CSMD1: variants seen among roughly 807,000 people sequenced by gnomAD.
CSMD1 encodes CUB and Sushi multiple domains 1.
Under a neutral mutation model 417.5 loss-of-function variants are expected in CSMD1, and 213 were observed. The ratio of observed to expected loss-of-function variants is 0.51; its 90% confidence interval spans 0.46 to 0.57. The LOEUF is 0.57. CSMD1 is among the 20% of genes least tolerant of loss of function. CSMD1 has a pLI of 0.00. For missense variants in CSMD1, 6,923 were observed against 4,529.7 expected (o/e 1.53, Z -15.17); for synonymous variants, 2,862 against 1,736.8 (o/e 1.65, Z -16.11).
chr8:3,914,599 T>C (rs1376848169), intron 5 of CSMD1, among the ~76,000 whole-genome samples: 2 of 152,162 alleles, frequency 1.3e-5, no homozygotes, highest in African/African-American at 4.8e-5. Context: ...ATTAAGAAAA[T>C]AGTACCAGCT....
At chr8:3,768,824 C>T (rs1293428070) in intron 5 of CSMD1, among the ~76,000 whole-genome samples, 1 of 152,198 alleles carries the variant, frequency 6.6e-6, no homozygotes, top group Non-Finnish European at 1.5e-5. Flanking sequence ...TCCATTACTT[C>T]CTTGGTGGAT....
intron 5 of CSMD1, among the ~76,000 whole-genome samples, chr8:3,854,990 G>C (rs761120694): frequency 1.3e-5 from 2 of 152,050 alleles, no homozygotes; most frequent in African/African-American, 2.4e-5. Context: ...TCCAGGCCCA[G>C]TAATCCATAC....
intron 3 of CSMD1, among the ~76,000 whole-genome samples, chr8:4,316,276 G>C (rs1252752634): frequency 1.3e-5 from 2 of 152,090 alleles, no homozygotes; most frequent in African/African-American, 2.4e-5. Context: ...TGAATTTGTT[G>C]TGATCTGTAA....
At chr8:4,545,680 T>A (rs1387578842) in intron 2 of CSMD1, among the ~76,000 whole-genome samples, 1 of 152,160 alleles carries the variant, frequency 6.6e-6, no homozygotes, top group Non-Finnish European at 1.5e-5. Context: ...CAGTGAGACA[T>A]GCTCACTATT....
intron 3 of CSMD1, among the ~76,000 whole-genome samples, chr8:4,318,091 GT>G (rs1400359857): frequency 3.9e-5 from 6 of 152,216 alleles, no homozygotes; most frequent in African/African-American, 1.4e-4. Context: ...AGTTTAGCCT[GT>G]CTGTAAAGCT....
chr8:3,204,192 G>A (rs1421395411), intron 31 of CSMD1, among the ~76,000 whole-genome samples: 2 of 152,004 alleles, frequency 1.3e-5, no homozygotes, highest in Non-Finnish European at 2.9e-5. Context: ...TTTCAAATTG[G>A]GAAATTATAA....
intron 2 of CSMD1, among the ~76,000 whole-genome samples, chr8:4,479,462 T>C (rs180941820): frequency 2.0e-5 from 3 of 152,212 alleles, no homozygotes; most frequent in Non-Finnish European, 2.9e-5. Flanking sequence ...CAACTTACCA[T>C]ACAACCAAAA....
intron 3 of CSMD1, among the ~76,000 whole-genome samples, chr8:4,274,381 G>C (rs1006937063): frequency 1.3e-5 from 2 of 152,068 alleles, no homozygotes; most frequent in Non-Finnish European, 2.9e-5. Context: ...ACAAAATTAA[G>C]ATTTTAAACA....
intron 3 of CSMD1, among the ~76,000 whole-genome samples, chr8:4,102,355 C>T (rs942040657): frequency 6.6e-6 from 1 of 152,088 alleles, no homozygotes; most frequent in African/African-American, 2.4e-5. Flanking sequence ...CTTTGTTTTT[C>T]CTTGCAAGAG....
intron 5 of CSMD1, among the ~76,000 whole-genome samples, chr8:3,867,856 C>A (rs1585114394): frequency 6.6e-6 from 1 of 152,070 alleles, no homozygotes; most frequent in Non-Finnish European, 1.5e-5. Flanking sequence ...ATTGAAGAAG[C>A]ATGGACCACT....
intron 5 of CSMD1, among the ~76,000 whole-genome samples, chr8:3,969,887 C>A (rs1215704112): frequency 2.0e-5 from 3 of 152,122 alleles, no homozygotes; most frequent in Non-Finnish European, 4.4e-5. Context: ...AAGCAAAGCT[C>A]TGGATAATTT....
At chr8:4,411,989 G>GGGGT (rs150562714) in intron 3 of CSMD1, among the ~76,000 whole-genome samples, 4 of 148,942 alleles carry the variant, frequency 2.7e-5, no homozygotes, top group East Asian at 2.0e-4. Context: ...CATAGCTAAG[G>GGGGT]GTGTGTGTGT....
intron 5 of CSMD1, among the ~76,000 whole-genome samples, chr8:3,984,641 G>C (rs574598093): frequency 2.1e-5 from 3 of 145,704 alleles, no homozygotes; most frequent in African/African-American, 7.6e-5. Flanking sequence ...AAAATGCCAA[G>C]GCTTGTTACT....
chr8:3,701,746 A>G (rs10095969), intron 7 of CSMD1, among the ~76,000 whole-genome samples: 85,174 of 152,028 alleles, frequency 0.56, 23,988 homozygotes, highest in Admixed American at 0.63. Flanking sequence ...TAATTACATC[A>G]TTAAGTATAT....
Position 3,796,458 on chromosome 8 carries a change from T to C in CSMD1, c.819-42416A>G, listed in dbSNP as rs567899704. 2.0e-4 allele frequency among the ~76,000 whole-genome samples: 28 copies of C among 138,574 alleles called. No individual in the cohort carries two copies. The South Asian group carries it at 3.8e-3, about 19-fold the overall frequency. 90.9% of individuals were successfully genotyped at this position (138,574 alleles called of 152,430 possible). Reference sequence around the variant, plus strand: ...TATATCTATCGTGTATAGATATAGATATCTATCATGTATATAGATATCTAT... The same window carrying C: ...TATATCTATCGTGTATAGATATAGACATCTATCATGTATATAGATATCTAT... On this transcript the variant is annotated intron_variant, in intron 5 of 69. Transcript: ENST00000635120.
At chr8:3,332,463 C>T (rs1326508676) in intron 23 of CSMD1, among the ~76,000 whole-genome samples, 1 of 152,212 alleles carries the variant, frequency 6.6e-6, no homozygotes, top group African/African-American at 2.4e-5. Context: ...TGCAGTGAGG[C>T]TGATGCTTAG....
At chr8:4,505,755 G>A (rs952215683) in intron 2 of CSMD1, among the ~76,000 whole-genome samples, 3 of 152,004 alleles carry the variant, frequency 2.0e-5, no homozygotes, top group African/African-American at 7.2e-5. Flanking sequence ...CAACTCAGTG[G>A]CTTGTAAGTT....
rs141842452 is a variant in CSMD1 at position 4,653,032 on chromosome 8, T to G, written c.86-15474A>C. On this transcript the variant is annotated intron_variant, in intron 1 of 69. Transcript: ENST00000635120. ...GGTCCGGTTCCTAACAGGCCACAGA[T>G]AGGTACCTGTCCTCAGTCCAGGGCT... Among the ~76,000 whole-genome samples, 354 of 152,142 alleles carry G rather than the reference T, an allele frequency of 2.3e-3. 2 individuals carry two copies. Among genetic ancestry groups the G allele is most frequent in the African/African-American group, 8.0e-3 (333 of 41,446 alleles).
intron 3 of CSMD1, among the ~76,000 whole-genome samples, chr8:4,392,110 A>C (rs1292748438): frequency 6.6e-6 from 1 of 152,166 alleles, no homozygotes; most frequent in Non-Finnish European, 1.5e-5. Flanking sequence ...AGACCAGCAG[A>C]ATCTGTACAG....
Sources: gnomAD v4.1 joint callset for allele counts (sites outside exome capture counted in the v4.1 genomes callset) on GRCh38, gnomAD v4.1.1 for gene constraint, MANE v1.5 for transcripts, NCBI Gene and HGNC (gene_info 2026-07-23, HGNC 2026-07-21) for gene names.